ODR4: variants seen among roughly 807,000 people sequenced by gnomAD.
ODR4 encodes the protein protein odr-4 homolog.
ODR4 carries 47 observed loss-of-function variants against 60.2 expected under a neutral mutation model. The observed-to-expected ratio is 0.78, with a 90% CI of 0.62 to 1.00. The LOEUF (loss-of-function observed/expected upper bound fraction) is 1.00. ODR4 is among the 50% of genes least tolerant of loss of function. ODR4 has a pLI of 0.00. For synonymous variants in ODR4, 178 were observed against 175.5 expected, an observed-to-expected ratio of 1.01 and a Z score of -0.11; for missense variants, 488 against 530.8, an observed-to-expected ratio of 0.92 and a Z score of 0.79.
chr1:186,431,208 T>G, the ODR4 span, among the ~76,000 whole-genome samples: 2 of 152,266 alleles, frequency 1.3e-5, no homozygotes, highest in East Asian at 1.9e-4. Context: ...TGCTTCAGAT[T>G]TCTATAAAAT....
At chr1:186,426,023 A>G (rs1382548963), downstream of ODR4, among the ~76,000 whole-genome samples, 6 of 152,156 alleles carry the variant, frequency 3.9e-5, no homozygotes, top group Admixed American at 1.3e-4. Context: ...TCACAAATTT[A>G]TTAGGTTATG....
At chr1:186,403,873 ATCC>A (rs1206691582) in intron 11 of ODR4, among the ~76,000 whole-genome samples, 1 of 152,158 alleles carries the variant, frequency 6.6e-6, no homozygotes. Context: ...CCACATCAGT[ATCC>A]TCTGTACCAC....
intron 5 of ODR4, among the ~76,000 whole-genome samples, chr1:186,388,875 T>C (rs1660350503): frequency 6.6e-6 from 1 of 152,222 alleles, no homozygotes; most frequent in Non-Finnish European, 1.5e-5. Context: ...GGCAAAGTAA[T>C]GTTTTTATTA....
chr1:186,395,815 A>C (rs1660649199), intron 9 of ODR4, among the ~76,000 whole-genome samples: 1 of 152,112 alleles, frequency 6.6e-6, no homozygotes, highest in African/African-American at 2.4e-5. Flanking sequence ...AATTTTTTTC[A>C]AGAAGTATTT....
the ODR4 span, among the ~76,000 whole-genome samples, chr1:186,432,785 AT>A: frequency 6.4e-3 from 908 of 141,856 alleles, 5 homozygotes; most frequent in South Asian, 0.013. Flanking sequence ...AATCTGGCAG[AT>A]TTTTTTTTTT....
At position 186,421,045 on chromosome 1, in the gene ODR4, C is replaced by G. The variant is rs961463314; in HGVS notation, c.*1969C>G. ...GACAGTCAAATACTTAGTAGGCTTC[C>G]TAACAGCAACAATGTACCCAAAAGA... is the stretch of plus-strand genomic sequence containing the variant. On this transcript the variant is annotated 3_prime_UTR_variant, in exon 14 of 14. Transcript: ENST00000287859. 9 of 152,080 alleles carry G rather than the reference C, an allele frequency of 5.9e-5. No homozygotes were observed. Among genetic ancestry groups the G allele is most frequent in the Admixed American group, 2.0e-4 (3 of 15,254 alleles). 9.4% of individuals were successfully genotyped at this position (152,080 alleles called of 1,614,324 possible). A position where few individuals can be genotyped will look rare whatever the true frequency, so the allele number is the denominator to read the frequency against.
intron 11 of ODR4, among the ~76,000 whole-genome samples, chr1:186,403,332 TATAAA>T (rs779119992): frequency 5.9e-4 from 89 of 152,068 alleles, no homozygotes; most frequent in Admixed American, 2.2e-3. Context: ...AATCATGTGA[TATAAA>T]ATAATCATCA....
At chr1:186,401,059 C>A in intron 11 of ODR4, 1 of 1,596,036 alleles carries the variant, frequency 6.3e-7, no homozygotes, top group South Asian at 1.1e-5. Flanking sequence ...GGGATGTATC[C>A]ACCATTATTG....
chr1:186,406,919 A>T (rs1280555323), intron 12 of ODR4, among the ~76,000 whole-genome samples: 2 of 152,130 alleles, frequency 1.3e-5, no homozygotes, highest in Admixed American at 1.3e-4. Flanking sequence ...ACATGTCTAT[A>T]AATAAATATG....
rs532292281 is a variant in ODR4, at chr1:186,419,005, T to C, written c.1298-4T>C. On this transcript the variant is annotated splice_polypyrimidine_tract_variant and splice_region_variant and intron_variant, in intron 13 of 13. Transcript: ENST00000287859. ...CATTTGTTCTGTGTTTGTTTTACTTTTAGGTGTGATTGCAGCATTTACAGT... is the reference window on the plus strand; with the variant it reads ...CATTTGTTCTGTGTTTGTTTTACTTCTAGGTGTGATTGCAGCATTTACAGT... 6.9e-6 allele frequency: 11 copies of C among 1,602,972 alleles called. No homozygotes were observed. The highest frequency in any genetic ancestry group is 5.6e-5 in the South Asian group (5 of 89,014).
chr1:186,411,777 T>C, intron 12 of ODR4: 2 of 639,890 alleles, frequency 3.1e-6, no homozygotes, highest in Non-Finnish European at 1.9e-6. Flanking sequence ...TAAAAATTAT[T>C]TACTGTCTAT....
At chr1:186,422,692 G>A (rs544500765), downstream of ODR4, among the ~76,000 whole-genome samples, 26 of 152,198 alleles carry the variant, frequency 1.7e-4, no homozygotes, top group African/African-American at 6.3e-4. Flanking sequence ...CTAGTTACAA[G>A]TAATATATAT....
chr1:186,392,144 G>T (rs1660494142), intron 8 of ODR4, among the ~76,000 whole-genome samples: 2 of 152,142 alleles, frequency 1.3e-5, no homozygotes. Flanking sequence ...ACAGATGCTG[G>T]CAAGGCTGCA....
chr1:186,388,912 A>T (rs570098350), intron 5 of ODR4, among the ~76,000 whole-genome samples: 1 of 152,178 alleles, frequency 6.6e-6, no homozygotes, highest in Non-Finnish European at 1.5e-5. Flanking sequence ...TCCAGTTTCT[A>T]TAGATAAGGA....
chr1:186,407,880 A>G (rs150443376), intron 12 of ODR4, among the ~76,000 whole-genome samples: 1 of 152,122 alleles, frequency 6.6e-6, no homozygotes, highest in Non-Finnish European at 1.5e-5. Context: ...GAACTTTTAG[A>G]AGATCCACAA....
chr1:186,434,845 AC>A, the ODR4 span, among the ~76,000 whole-genome samples: 1 of 152,068 alleles, frequency 6.6e-6, no homozygotes, highest in Non-Finnish European at 1.5e-5. Flanking sequence ...TATAACAGGA[AC>A]CCTGTAGGGG....
At chr1:186,433,042 C>T in the ODR4 span, among the ~76,000 whole-genome samples, 5 of 152,054 alleles carry the variant, frequency 3.3e-5, no homozygotes, top group African/African-American at 1.2e-4. Flanking sequence ...CCTCAGCCTC[C>T]CAAAGTGCTG....
the ODR4 span, among the ~76,000 whole-genome samples, chr1:186,433,684 G>A: frequency 1.3e-5 from 2 of 152,160 alleles, no homozygotes; most frequent in South Asian, 4.1e-4. Flanking sequence ...GGGTTCAAGC[G>A]ATTCTCTTGC....
At chr1:186,402,186 T>TTTTTCTTTCTTTCTTTCTTTC (rs777903676) in intron 11 of ODR4, among the ~76,000 whole-genome samples, 2 of 91,504 alleles carry the variant, frequency 2.2e-5, no homozygotes, top group Non-Finnish European at 4.5e-5. Context: ...ATAGGCATCC[T>TTTTTCTTTCTTTCTTTCTTTC]ATTCTTTCTT....
Sources: allele counts gnomAD v4.1 joint callset (sites outside exome capture counted in the v4.1 genomes callset), GRCh38; gene constraint gnomAD v4.1.1; transcripts MANE v1.5; gene names NCBI Gene and HGNC (gene_info 2026-07-23, HGNC 2026-07-21).